The following CCSER2 variants were observed in gnomAD, a reference collection of about 807,000 sequenced individuals.
CCSER2 encodes the protein coiled-coil serine rich protein 2, also known as serine-rich coiled-coil domain-containing protein 2.
In CCSER2, 46 loss-of-function variants were observed where a neutral mutation model predicts 92.3. That is an observed-to-expected ratio of 0.50 (90% confidence interval 0.39 to 0.64). The LOEUF (loss-of-function observed/expected upper bound fraction) is 0.64, where lower values mean the gene tolerates loss of function less well. Among genes scored for constraint, CCSER2 ranks in the 30% least tolerant of loss-of-function variants. The pLI, the probability that CCSER2 is intolerant of heterozygous loss-of-function variation, is 0.00. For synonymous variants in CCSER2, 433 were observed against 431.4 expected, an observed-to-expected ratio of 1.00 and a Z score of -0.04; for missense variants, 1,244 against 1,238.9, an observed-to-expected ratio of 1.00 and a Z score of -0.06.
chr10:84,397,614 T>C (rs188939997), intron 3 of CCSER2, among the ~76,000 whole-genome samples: 3 of 152,368 alleles, frequency 2.0e-5, no homozygotes, highest in Admixed American at 6.5e-5. Flanking sequence ...CCGACTGTTA[T>C]AATCAGTATA....
intron 6 of CCSER2, among the ~76,000 whole-genome samples, chr10:84,459,564 C>G (rs1845976746): frequency 6.6e-6 from 1 of 151,956 alleles, no homozygotes. Context: ...CTTCTGTTAC[C>G]CAGGCTGGAG....
At chr10:84,377,563 T>C (rs1459076530) in intron 3 of CCSER2, among the ~76,000 whole-genome samples, 2 of 152,200 alleles carry the variant, frequency 1.3e-5, no homozygotes, top group Non-Finnish European at 2.9e-5. Context: ...TGCTGCCTGG[T>C]AGGGTAAGTC....
chr10:84,383,862 T>G (rs192097852), intron 3 of CCSER2, among the ~76,000 whole-genome samples: 3 of 152,264 alleles, frequency 2.0e-5, no homozygotes, highest in Non-Finnish European at 4.4e-5. Flanking sequence ...CTTGGTTCTT[T>G]GTAAGGATAA....
intron 1 of CCSER2, among the ~76,000 whole-genome samples, chr10:84,330,810 T>C (rs998231518): frequency 5.9e-5 from 9 of 151,952 alleles, no homozygotes; most frequent in Non-Finnish European, 1.3e-4. Flanking sequence ...ACCCCAGTTA[T>C]GTTAAAAAAA....
intron 9 of CCSER2, among the ~76,000 whole-genome samples, chr10:84,494,188 G>A (rs1848320834): frequency 6.6e-6 from 1 of 152,212 alleles, no homozygotes; most frequent in Admixed American, 6.5e-5. Context: ...GTACTGGTCC[G>A]TGGCCCAGGG....
chr10:84,339,086 A>G (rs1234350798), intron 1 of CCSER2, among the ~76,000 whole-genome samples: 1 of 151,010 alleles, frequency 6.6e-6, no homozygotes, highest in Non-Finnish European at 1.5e-5. Context: ...CCTATTCTCT[A>G]CAGAAGTTAA....
At chr10:84,407,373 A>G (rs976401372) in intron 3 of CCSER2, among the ~76,000 whole-genome samples, 1 of 151,610 alleles carries the variant, frequency 6.6e-6, no homozygotes, top group African/African-American at 2.4e-5. Flanking sequence ...TACTTGTTTA[A>G]TCTTTTCCAG....
chr10:84,425,500 T>G (rs1843380197), intron 4 of CCSER2, among the ~76,000 whole-genome samples: 1 of 152,230 alleles, frequency 6.6e-6, no homozygotes, highest in South Asian at 2.1e-4. Flanking sequence ...TTTACATGAC[T>G]GTAATGTAAA....
At chr10:84,488,484 G>C (rs141084634) in intron 9 of CCSER2, among the ~76,000 whole-genome samples, 2 of 152,154 alleles carry the variant, frequency 1.3e-5, no homozygotes, top group East Asian at 3.9e-4. Context: ...TATATGTGTC[G>C]AGGAATTTAT....
chr10:84,373,184 A>G (rs1467140635), intron 2 of CCSER2, among the ~76,000 whole-genome samples: 1 of 152,142 alleles, frequency 6.6e-6, no homozygotes, highest in African/African-American at 2.4e-5. Flanking sequence ...GATTGTCTAT[A>G]GGTCTTCTAA....
At chr10:84,339,111 T>G (rs752275509) in intron 1 of CCSER2, among the ~76,000 whole-genome samples, 2 of 142,430 alleles carry the variant, frequency 1.4e-5, no homozygotes, top group South Asian at 2.1e-4. Context: ...TTCTTTTCTT[T>G]TCTTTTTTTT....
chr10:84,354,289 A>G lies in CCSER2; in HGVS notation c.-39-16725A>G, dbSNP rs549699925. On this transcript the variant is annotated intron_variant, in intron 1 of 9. Transcript: ENST00000372088. ...AAATAGGGTTTGTTTGAAAGAATAG[A>G]GTATGTTTCCTGACTGTTTATCTCT... Among the ~76,000 whole-genome samples the G allele has an allele frequency of 1.1e-4, 17 of 150,662 alleles. No individual in the cohort carries two copies. In the South Asian group the frequency reaches 3.3e-3, roughly 30 times the overall value.
chr10:84,382,734 G>C (rs1840982073), intron 3 of CCSER2, among the ~76,000 whole-genome samples: 1 of 152,204 alleles, frequency 6.6e-6, no homozygotes, highest in Non-Finnish European at 1.5e-5. Context: ...AGAAGTGTTT[G>C]AATCAGATCA....
In CCSER2 at chr10:84,371,953, T is replaced by C. The variant is rs1253237211; in HGVS notation, c.901T>C (p.Leu301=). The C allele has an allele frequency of 2.5e-6, 4 of 1,613,800 alleles. No homozygotes were observed. Among genetic ancestry groups the C allele is most frequent in the Non-Finnish European group, 3.4e-6 (4 of 1,179,802 alleles). ...GCCTTATGCTGCTGGTGGAAAGAAG[T>C]TGGCTTTACCAAATGGCCCAGGTGT... ...NRPYAAGGKK[L]ALPNGPGVTS... Residue 301 remains leucine (L), a synonymous_variant, in exon 2 of 10, where the codon TTG becomes CTG. Coordinates refer to ENST00000372088, the MANE Select transcript of CCSER2 (RefSeq NM_001284240.2).
At chr10:84,458,473 C>T (rs980682413) in intron 6 of CCSER2, among the ~76,000 whole-genome samples, 8 of 152,100 alleles carry the variant, frequency 5.3e-5, no homozygotes, top group Non-Finnish European at 1.2e-4. Context: ...GTGACTCTTC[C>T]AACTTTCTCT....
At chr10:84,461,732 A>G (rs551394715) in intron 6 of CCSER2, among the ~76,000 whole-genome samples, 9 of 151,642 alleles carry the variant, frequency 5.9e-5, no homozygotes, top group African/African-American at 2.2e-4. Flanking sequence ...GAGAATTTTA[A>G]TAACAGCTCT....
chr10:84,478,302 G>A (rs1219398331), intron 9 of CCSER2, among the ~76,000 whole-genome samples: 1 of 152,198 alleles, frequency 6.6e-6, no homozygotes, highest in Non-Finnish European at 1.5e-5. Flanking sequence ...TGCAGGATGT[G>A]TGTGAGCCAG....
intron 9 of CCSER2, among the ~76,000 whole-genome samples, chr10:84,483,030 T>C (rs1418727067): frequency 6.6e-6 from 1 of 152,220 alleles, no homozygotes; most frequent in African/African-American, 2.4e-5. Flanking sequence ...GATTAATCCA[T>C]GTTACGGTAT....
chr10:84,389,598 C>A, intron 3 of CCSER2: 1 of 194,332 alleles, frequency 5.1e-6, no homozygotes, highest in South Asian at 8.0e-5. Context: ...ACTTTGATCT[C>A]AAAGCTGGGG....
Sources: allele counts gnomAD v4.1 joint callset (sites outside exome capture counted in the v4.1 genomes callset), GRCh38; gene constraint gnomAD v4.1.1; transcripts MANE v1.5; gene names NCBI Gene and HGNC (gene_info 2026-07-23, HGNC 2026-07-21).